SWI5: variants seen among roughly 807,000 people sequenced by gnomAD.
The protein encoded by SWI5 is SWI5 homologous recombination repair protein.
SWI5 carries 12 observed loss-of-function variants against 17.0 expected under a neutral mutation model. That is an observed-to-expected ratio of 0.71 (90% CI 0.45 to 1.14). The LOEUF (loss-of-function observed/expected upper bound fraction) is 1.14. Ranked by LOEUF, SWI5 falls within the 50% of genes most tolerant of loss-of-function variation. SWI5 has a pLI of 0.00. For synonymous variants in SWI5, 61 were observed against 64.0 expected (o/e 0.95, Z 0.22); for missense variants, 158 against 162.2 (o/e 0.97, Z 0.14).
intron 2 of SWI5, among the ~76,000 whole-genome samples, chr9:128,278,082 A>G (rs1588501763): frequency 1.3e-5 from 2 of 150,864 alleles, no homozygotes; most frequent in African/African-American, 4.9e-5. Context: ...CGTCCCAAAT[A>G]GCTGGAACCA....
exon 5 of SWI5, chr9:128,288,713 C>T: frequency 6.2e-7 from 1 of 1,614,176 alleles, no homozygotes. Flanking sequence ...ACATGAATGA[C>T]TGAGCAGGCT....
At chr9:128,279,214 C>T (rs1831492990) in intron 2 of SWI5, among the ~76,000 whole-genome samples, 2 of 152,300 alleles carry the variant, frequency 1.3e-5, no homozygotes, top group Admixed American at 1.3e-4. Flanking sequence ...TAAATGTGGG[C>T]ATTTCTGTAG....
At chr9:128,287,557 C>CTTT (rs754816266) in intron 4 of SWI5, among the ~76,000 whole-genome samples, 46 of 123,010 alleles carry the variant, frequency 3.7e-4, no homozygotes, top group African/African-American at 5.1e-4. Context: ...TGGCCTATCC[C>CTTT]TTTTTTTTTT....
At chr9:128,279,297 C>G (rs1317291831) in intron 2 of SWI5, among the ~76,000 whole-genome samples, 1 of 152,164 alleles carries the variant, frequency 6.6e-6, no homozygotes, top group African/African-American at 2.4e-5. Flanking sequence ...AATAAAGACA[C>G]AAGACAAAGA....
intron 2 of SWI5, among the ~76,000 whole-genome samples, chr9:128,284,145 C>T (rs968238161): frequency 1.3e-5 from 2 of 151,492 alleles, no homozygotes; most frequent in Non-Finnish European, 2.9e-5. Context: ...AAAAATTAGC[C>T]GGGCATGGTG....
upstream of SWI5, chr9:128,275,971 C>G (rs553392747): frequency 1.1e-4 from 168 of 1,596,716 alleles, no homozygotes; most frequent in East Asian, 3.4e-3. Context: ...GGGGTTGGGG[C>G]CACATCAGCG....
At chr9:128,276,131 G>GA, upstream of SWI5, 1 of 1,565,496 alleles carries the variant, frequency 6.4e-7, no homozygotes, top group Non-Finnish European at 8.6e-7. Context: ...ATATGAAGCG[G>GA]AAGGGGGCGT....
chr9:128,276,832 C>A, intron 2 of SWI5, 77 bp downstream of exon 2: 1 of 1,428,290 alleles, frequency 7.0e-7, no homozygotes, highest in Non-Finnish European at 9.6e-7. Context: ...CTCCCCATCC[C>A]AACAGCAGCC....
At chr9:128,276,641 C>T (rs767715756) in intron 1 of SWI5, 66 bp from the exon 2 acceptor site, 2 of 1,613,908 alleles carry the variant, frequency 1.2e-6, no homozygotes, top group Admixed American at 3.3e-5. Flanking sequence ...CCCGCATCCC[C>T]ACAGTACCCC....
intron 2 of SWI5, 108 bp from the exon 3 acceptor site, chr9:128,284,402 T>C: frequency 7.3e-7 from 1 of 1,370,148 alleles, no homozygotes; most frequent in East Asian, 2.4e-5. Context: ...TTGAGGGGGT[T>C]AGGGTGCCTA....
At chr9:128,276,239 G>T (rs751103289), upstream of SWI5, 4 of 1,612,250 alleles carry the variant, frequency 2.5e-6, no homozygotes, top group East Asian at 6.7e-5. Context: ...GGGCGGGGCC[G>T]GCTTTCCTTG....
At chr9:128,279,491 G>T (rs1831498538) in intron 2 of SWI5, among the ~76,000 whole-genome samples, 1 of 152,184 alleles carries the variant, frequency 6.6e-6, no homozygotes, top group Non-Finnish European at 1.5e-5. Context: ...GGGCCAGTGG[G>T]CCCTTCCCTT....
At chr9:128,287,550 C>T (rs1239626675) in intron 4 of SWI5, among the ~76,000 whole-genome samples, 6 of 148,700 alleles carry the variant, frequency 4.0e-5, no homozygotes, top group Non-Finnish European at 7.4e-5. Context: ...GAGCCAGTGG[C>T]CTATCCCTTT....
chr9:128,276,339 C>A (rs1369915261), exon 1 of SWI5: 1 of 1,613,274 alleles, frequency 6.2e-7, no homozygotes, highest in Non-Finnish European at 8.5e-7. Context: ...CCGACTCCCG[C>A]GCTGGACCCT....
At chr9:128,284,981 G>T (rs891599769) in intron 3 of SWI5, among the ~76,000 whole-genome samples, 3 of 131,060 alleles carry the variant, frequency 2.3e-5, no homozygotes, top group Admixed American at 7.5e-5. Context: ...AAAAAAAAAA[G>T]GTTTAACTCT....
intron 2 of SWI5, among the ~76,000 whole-genome samples, chr9:128,284,160 A>C (rs572029276): frequency 8.6e-5 from 13 of 151,598 alleles, no homozygotes; most frequent in African/African-American, 2.9e-4. Flanking sequence ...ATGGTGGCGC[A>C]TGCCTGTAGT....
intron 2 of SWI5, among the ~76,000 whole-genome samples, chr9:128,280,662 C>T (rs1415964935): frequency 6.6e-6 from 1 of 151,996 alleles, no homozygotes; most frequent in Non-Finnish European, 1.5e-5. Context: ...GGACTACAGG[C>T]GCCCGCCACC....
At chr9:128,278,444 G>A (rs1831474731) in intron 2 of SWI5, among the ~76,000 whole-genome samples, 1 of 151,914 alleles carries the variant, frequency 6.6e-6, no homozygotes, top group Non-Finnish European at 1.5e-5. Context: ...GTACATGCCT[G>A]TAATCCCAGC....
chr9:128,279,759 G>A (rs1831504089), intron 2 of SWI5, among the ~76,000 whole-genome samples: 1 of 152,172 alleles, frequency 6.6e-6, no homozygotes, highest in South Asian at 2.1e-4. Flanking sequence ...CCTCCCACAG[G>A]AAGCTGGTGG....
Sources: gnomAD v4.1 joint callset for allele counts (sites outside exome capture counted in the v4.1 genomes callset) on GRCh38, gnomAD v4.1.1 for gene constraint, MANE v1.5 for transcripts, NCBI Gene and HGNC (gene_info 2026-07-23, HGNC 2026-07-21) for gene names.